TPCN2: variants seen among roughly 807,000 people sequenced by gnomAD.
TPCN2 encodes the protein two pore segment channel 2, also known as two pore channel protein 2.
A neutral mutation model predicts 111.4 loss-of-function variants in TPCN2; 92 were observed. The observed-to-expected ratio is 0.83, with a 90% CI of 0.70 to 0.98. The LOEUF is 0.98. Ranked by LOEUF, TPCN2 falls within the 50% of genes least tolerant of loss-of-function variation. The pLI, the probability that TPCN2 is intolerant of heterozygous loss-of-function variation, is 0.00. For missense variants in TPCN2, 995 were observed against 980.1 expected (o/e 1.02, Z -0.20); for synonymous variants, 405 against 414.5 (o/e 0.98, Z 0.28).
At chr11:69,069,044 G>C (rs1397297298) in intron 8 of TPCN2, among the ~76,000 whole-genome samples, 1 of 84,838 alleles carries the variant, frequency 1.2e-5, no homozygotes. Context: ...AGTGACCGCA[G>C]TGGGAGCAGG....
rs1856375708 is a variant in TPCN2, at chr11:69,089,243, A to G, written c.*1290A>G. ...GAGTTTCTTTTTACTCGTGTTGAATAATAACAATAACAATAACAATAACAA... is the reference window on the plus strand; with the variant it reads ...GAGTTTCTTTTTACTCGTGTTGAATGATAACAATAACAATAACAATAACAA... On this transcript the variant is annotated 3_prime_UTR_variant, in exon 25 of 25. Transcript: ENST00000294309. 2.1e-5 allele frequency: 1 copy of G among 48,596 alleles called. No homozygotes were observed. The allele number at this position is 48,596 out of a possible 1,614,324, so 3.0% of individuals were successfully genotyped here.
In TPCN2 at chr11:69,084,007, G is replaced by A; in HGVS notation, c.1752G>A (p.Gly584=). ...GLVQNMRAFG[G]ILVVVYYVFA... Reference sequence around the variant, plus strand: ...TGCAGAACATGCGTGCGTTTGGCGGGATCCTGGTGGTGAGTCCCAGGCTGC... The same window carrying A: ...TGCAGAACATGCGTGCGTTTGGCGGAATCCTGGTGGTGAGTCCCAGGCTGC... Residue 584 remains glycine, a synonymous_variant, in exon 19 of 25, where the codon GGG becomes GGA. Coordinates refer to ENST00000294309, the MANE Select transcript of TPCN2 (RefSeq NM_139075.4). 6.2e-7 allele frequency: 1 copy of A among 1,614,152 alleles called. No homozygotes were observed. Among genetic ancestry groups the A allele is most frequent in the East Asian group, 2.2e-5 (1 of 44,876 alleles).
intron 12 of TPCN2, 30 bp downstream of exon 12, chr11:69,072,738 G>C (rs1565089184): frequency 1.2e-6 from 2 of 1,612,870 alleles, no homozygotes; most frequent in African/African-American, 1.3e-5. Context: ...AGCCTCCTCT[G>C]GGCTCCTCCC....
intron 11 of TPCN2, 55 bp from the exon 12 acceptor site, chr11:69,072,572 G>T: frequency 6.3e-7 from 1 of 1,591,906 alleles, no homozygotes; most frequent in South Asian, 1.1e-5. Context: ...CCAGGCCAGG[G>T]TTCCAAGGGA....
At chr11:69,079,150 T>C (rs1312722916) in intron 16 of TPCN2, 130 bp downstream of exon 16, 1 of 1,220,854 alleles carries the variant, frequency 8.2e-7, no homozygotes, top group African/African-American at 1.5e-5. Flanking sequence ...CTGCTCTCAG[T>C]GGTGAGGGCT....
Position 69,063,902 on chromosome 11 carries a change from C to G in TPCN2, c.661C>G (p.Leu221Val). 2 of 1,614,004 alleles carry G rather than the reference C, an allele frequency of 1.2e-6. No individual in the cohort carries two copies. The highest frequency in any genetic ancestry group is 1.3e-5 in the African/African-American group (1 of 75,054). ...TGCCGTGCTCTCCCCCAGCGTCGGG[C>G]TGCTGCTGGCCATCCACCTGTGCCT... ...WSLPEMASVGLLLAIHLCLFT... is the reference protein window; with the variant it reads ...WSLPEMASVGVLLAIHLCLFT... The change falls in exon 7 of 25, where the codon CTG becomes GTG. Residue 221 changes from leucine (L) to valine (V), a missense_variant. By Grantham distance (32) the Leu-to-Val change is conservative. Transcript: ENST00000294309.
At chr11:69,077,520 G>A (rs1432799790) in intron 13 of TPCN2, among the ~76,000 whole-genome samples, 3 of 152,246 alleles carry the variant, frequency 2.0e-5, no homozygotes, top group Non-Finnish European at 4.4e-5. Context: ...GAGGAAGTTC[G>A]CTGATCATTG....
Position 69,049,026 on chromosome 11 carries a change from C to A in TPCN2, c.29C>A (p.Pro10His). 1 of 1,241,104 alleles carries A rather than the reference C, an allele frequency of 8.1e-7. No homozygotes were observed. The highest frequency in any genetic ancestry group is 1.0e-6 in the Non-Finnish European group (1 of 988,328). The allele number at this position is 1,241,104 out of a possible 1,614,324, so 76.9% of individuals were successfully genotyped here. A position where few individuals can be genotyped will look rare whatever the true frequency, so the allele number is the denominator to read the frequency against. Residue 10 changes from proline (P) to histidine (H), a missense_variant, in exon 1 of 25, where the codon CCC (proline) becomes CAC (histidine). Physicochemically the swap from Pro to His is moderately conservative, Grantham distance 77. Coordinates refer to ENST00000294309, the MANE Select transcript of TPCN2 (RefSeq NM_139075.4). MAEPQAESE[P>H]LLGGARGGGG... ...GCGGAACCCCAGGCGGAGTCGGAGC[C>A]CCTGCTGGGCGGGGCCCGCGGCGGT...
intron 13 of TPCN2, among the ~76,000 whole-genome samples, chr11:69,075,761 G>A (rs901791455): frequency 1.2e-4 from 18 of 152,170 alleles, no homozygotes; most frequent in African/African-American, 4.8e-5. Flanking sequence ...GCTTGCTGGC[G>A]AGCTTCAGAG....
chr11:69,063,685 C>T (rs1395706963), intron 6 of TPCN2, among the ~76,000 whole-genome samples: 1 of 152,142 alleles, frequency 6.6e-6, no homozygotes, highest in Admixed American at 6.5e-5. Flanking sequence ...AAAGAAAGGA[C>T]CCTGCCAGGG....
At chr11:69,064,063 A>G in intron 7 of TPCN2, 96 bp downstream of exon 7, 2 of 1,213,222 alleles carry the variant, frequency 1.6e-6, no homozygotes, top group Non-Finnish European at 1.2e-6. Flanking sequence ...GGCCTAACCC[A>G]TGTGCGGACT....
intron 9 of TPCN2, among the ~76,000 whole-genome samples, chr11:69,071,029 A>C (rs1398128214): frequency 4.2e-5 from 2 of 47,078 alleles, no homozygotes; most frequent in African/African-American, 1.8e-4. Context: ...ATCCCCCACC[A>C]ACAGCTTCAC....
At chr11:69,081,109 G>A (rs1276690664) in intron 17 of TPCN2, among the ~76,000 whole-genome samples, 1 of 152,048 alleles carries the variant, frequency 6.6e-6, no homozygotes, top group East Asian at 1.9e-4. Flanking sequence ...TGTGGACAGA[G>A]GGTCTGTGTA....
intron 13 of TPCN2, 82 bp downstream of exon 13, chr11:69,073,083 TA>T: frequency 9.8e-7 from 1 of 1,020,884 alleles, no homozygotes; most frequent in Non-Finnish European, 1.5e-6. Context: ...GGAACTCTTC[TA>T]ATGATCAGTG....
intron 1 of TPCN2, among the ~76,000 whole-genome samples, chr11:69,052,313 C>G (rs1861261555): frequency 6.6e-6 from 1 of 152,140 alleles, no homozygotes; most frequent in South Asian, 2.1e-4. Flanking sequence ...CACCGGCCCC[C>G]CAGGCTCCCC....
intron 5 of TPCN2, among the ~76,000 whole-genome samples, chr11:69,061,581 G>A (rs1029316726): frequency 1.9e-4 from 29 of 152,286 alleles, no homozygotes; most frequent in Non-Finnish European, 3.2e-4. Flanking sequence ...CGGGCAGTGC[G>A]GGGACCTACA....
At chr11:69,083,696 C>T (rs1015380210) in intron 18 of TPCN2, among the ~76,000 whole-genome samples, 11 of 151,842 alleles carry the variant, frequency 7.2e-5, no homozygotes, top group African/African-American at 1.5e-4. Flanking sequence ...CAAGCGTGTG[C>T]GAATGCGTGT....
rs1041792279 is a variant in TPCN2, at chr11:69,084,611, G to A, written c.1761+595G>A. ...TCCGCGCCGTGCAGAGTGACAGGAG[G>A]CGCCCTTTGCAGGAAGCCCGGCCAC... On this transcript the variant is annotated intron_variant, in intron 19 of 24. Transcript: ENST00000294309. The A allele has an allele frequency of 4.1e-6, 4 of 985,330 alleles. No homozygotes were observed. The African/African-American group carries it at 7.0e-5, about 17-fold the overall frequency. 61.0% of individuals were successfully genotyped at this position (985,330 alleles called of 1,614,324 possible).
chr11:69,078,892 A>T lies in TPCN2; in HGVS notation c.1411A>T (p.Ile471Phe). The change falls in exon 16 of 25, where the codon ATT (isoleucine) becomes TTT (phenylalanine). Residue 471 changes from isoleucine (I) to phenylalanine (F), a missense_variant and splice_region_variant. By Grantham distance (21) the Ile-to-Phe change is conservative. Coordinates refer to ENST00000294309, the MANE Select transcript of TPCN2 (RefSeq NM_139075.4). The part of the protein sequence containing the change: ...PAERDDFILG[I>F]LNCVFIVYYL... Reference sequence around the variant, plus strand: ...TGGGTGCCTCTTCTGCCCCTTTCAGATTCTCAACTGCGTCTTCATTGTGTA... The same window carrying T: ...TGGGTGCCTCTTCTGCCCCTTTCAGTTTCTCAACTGCGTCTTCATTGTGTA... The T allele has an allele frequency of 6.2e-7, 1 of 1,613,944 alleles. No individual in the cohort carries two copies. The highest frequency in any genetic ancestry group is 8.5e-7 in the Non-Finnish European group (1 of 1,179,948).
Sources: allele counts gnomAD v4.1 joint callset (sites outside exome capture counted in the v4.1 genomes callset), GRCh38; gene constraint gnomAD v4.1.1; transcripts MANE v1.5; gene names NCBI Gene and HGNC (gene_info 2026-07-23, HGNC 2026-07-21).